ADAM22: variants seen among roughly 807,000 people sequenced by gnomAD.
The protein encoded by ADAM22 is disintegrin and metalloproteinase domain-containing protein 22.
A neutral mutation model predicts 144.6 loss-of-function variants in ADAM22; 65 were observed. The observed-to-expected ratio is 0.45, with a 90% confidence interval of 0.37 to 0.55. The LOEUF (loss-of-function observed/expected upper bound fraction) is 0.55, where lower values mean the gene tolerates loss of function less well. ADAM22 is among the 20% of genes least tolerant of loss of function. The pLI, the probability that ADAM22 is intolerant of heterozygous loss-of-function variation, is 0.00. For synonymous variants in ADAM22, 391 were observed against 412.6 expected (o/e 0.95, Z 0.63); for missense variants, 974 against 1,184.9 (o/e 0.82, Z 2.61).
chr7:88,003,762 A>G (rs1793135780), intron 3 of ADAM22, among the ~76,000 whole-genome samples: 1 of 151,108 alleles, frequency 6.6e-6, no homozygotes. Context: ...TCTTGAGATG[A>G]TTTTAAATGT....
At chr7:88,021,420 A>C (rs1250222732) in intron 3 of ADAM22, among the ~76,000 whole-genome samples, 2 of 152,220 alleles carry the variant, frequency 1.3e-5, no homozygotes, top group Non-Finnish European at 2.9e-5. Flanking sequence ...GTATGTGCCA[A>C]AGGTTTGCTG....
intron 31 of ADAM22, among the ~76,000 whole-genome samples, chr7:88,193,845 C>T (rs1446987866): frequency 2.0e-5 from 3 of 152,182 alleles, no homozygotes; most frequent in African/African-American, 7.2e-5. Context: ...GATCCCAAAC[C>T]TAAATTATGT....
intron 19 of ADAM22, 64 bp downstream of exon 19, chr7:88,151,095 T>C: frequency 6.4e-7 from 1 of 1,561,514 alleles, no homozygotes; most frequent in Non-Finnish European, 8.8e-7. Context: ...TACTGAAATC[T>C]TATCAAAATA....
chr7:87,953,337 T>C (rs1157608507), intron 2 of ADAM22, among the ~76,000 whole-genome samples: 2 of 152,254 alleles, frequency 1.3e-5, no homozygotes, highest in African/African-American at 4.8e-5. Flanking sequence ...TTCTGGTATG[T>C]TGGGTGTTTG....
chr7:88,008,954 C>G (rs1391195004), intron 3 of ADAM22, among the ~76,000 whole-genome samples: 1 of 151,532 alleles, frequency 6.6e-6, no homozygotes, highest in South Asian at 2.1e-4. Flanking sequence ...ACTGTCTATA[C>G]TGAGAATATA....
chr7:87,949,457 A>G lies in ADAM22; in HGVS notation c.246+14271A>G, dbSNP rs370305423. 1.8e-4 allele frequency among the ~76,000 whole-genome samples: 27 copies of G among 152,352 alleles called. No homozygotes were observed. The East Asian group carries it at 2.1e-3, about 12-fold the overall frequency. On this transcript the variant is annotated intron_variant, in intron 2 of 31. Coordinates refer to ENST00000413139, the MANE Select transcript of ADAM22 (RefSeq NM_001324418.2). ...TCACTTTATAGCCCTGTCTTTTCCA[A>G]CAAAAATAAATTCAAGCTATTTAAC...
At chr7:88,087,772 C>T (rs1818804764) in intron 4 of ADAM22, among the ~76,000 whole-genome samples, 1 of 152,080 alleles carries the variant, frequency 6.6e-6, no homozygotes, top group South Asian at 2.1e-4. Flanking sequence ...TATTTCTAAA[C>T]TACTGTATAT....
At chr7:87,982,072 C>T (rs866527995) in intron 3 of ADAM22, among the ~76,000 whole-genome samples, 43 of 119,484 alleles carry the variant, frequency 3.6e-4, no homozygotes, top group African/African-American at 1.3e-3. Flanking sequence ...TATATATACA[C>T]ACACACACAC....
intron 20 of ADAM22, among the ~76,000 whole-genome samples, chr7:88,152,869 C>T (rs1425152959): frequency 1.3e-5 from 2 of 151,898 alleles, no homozygotes; most frequent in Non-Finnish European, 2.9e-5. Context: ...TTAGTAGAGA[C>T]GGGGTTTCAC....
At chr7:88,011,081 A>G (rs1352680871) in intron 3 of ADAM22, among the ~76,000 whole-genome samples, 1 of 152,232 alleles carries the variant, frequency 6.6e-6, no homozygotes, top group Admixed American at 6.5e-5. Context: ...AAAAGCATTC[A>G]GGGCTCTGAC....
intron 3 of ADAM22, among the ~76,000 whole-genome samples, chr7:88,054,527 C>T (rs563587729): frequency 3.1e-4 from 47 of 151,880 alleles, no homozygotes; most frequent in Non-Finnish European, 6.0e-4. Context: ...AACATCCTTG[C>T]TCCATAATCA....
chr7:88,029,897 T>C (rs918285453), intron 3 of ADAM22, among the ~76,000 whole-genome samples: 1 of 152,094 alleles, frequency 6.6e-6, no homozygotes, highest in Non-Finnish European at 1.5e-5. Context: ...TTAGGATCCT[T>C]TCTTTTTTCT....
chr7:88,196,092 C>T (rs1213296823), intron 31 of ADAM22, among the ~76,000 whole-genome samples: 3 of 152,132 alleles, frequency 2.0e-5, no homozygotes, highest in Non-Finnish European at 4.4e-5. Flanking sequence ...AGGTTGAGAA[C>T]CACTGCTCTA....
intron 3 of ADAM22, among the ~76,000 whole-genome samples, chr7:88,053,576 A>AAAGG (rs1405424848): frequency 4.9e-4 from 60 of 121,558 alleles, no homozygotes; most frequent in African/African-American, 9.9e-4. Context: ...AGGAAGGAGG[A>AAAGG]AAGGAAGGAA....
At chr7:88,053,027 T>G (rs1202681168) in intron 3 of ADAM22, among the ~76,000 whole-genome samples, 2 of 152,318 alleles carry the variant, frequency 1.3e-5, no homozygotes, top group Middle Eastern at 6.8e-3. Flanking sequence ...AAAAGTTTCC[T>G]TTACATCTCT....
chr7:87,978,472 C>T, intron 3 of ADAM22, 60 bp downstream of exon 3: 1 of 1,463,656 alleles, frequency 6.8e-7, no homozygotes, highest in Non-Finnish European at 9.5e-7. Context: ...TTATTTTCCA[C>T]TTGTAAAGTT....
intron 2 of ADAM22, among the ~76,000 whole-genome samples, chr7:87,958,356 A>C (rs1238300559): frequency 2.0e-5 from 3 of 151,862 alleles, no homozygotes; most frequent in Non-Finnish European, 4.4e-5. Flanking sequence ...TGGAACCATA[A>C]GACTTTAAAG....
intron 2 of ADAM22, among the ~76,000 whole-genome samples, chr7:87,954,394 A>G (rs1047109207): frequency 2.0e-5 from 3 of 150,958 alleles, no homozygotes; most frequent in Non-Finnish European, 4.4e-5. Flanking sequence ...TTTCTCCTTC[A>G]CTTATGAAGC....
intron 26 of ADAM22, among the ~76,000 whole-genome samples, chr7:88,173,093 A>G (rs1844748409): frequency 1.3e-5 from 2 of 152,048 alleles, no homozygotes; most frequent in Non-Finnish European, 2.9e-5. Context: ...ATGTGTTCTC[A>G]TTAGGGATTC....
Sources: gnomAD v4.1 joint callset for allele counts (sites outside exome capture counted in the v4.1 genomes callset) on GRCh38, gnomAD v4.1.1 for gene constraint, MANE v1.5 for transcripts, NCBI Gene and HGNC (gene_info 2026-07-23, HGNC 2026-07-21) for gene names.